Variants in USP32 observed in about 807,000 individuals in gnomAD.
USP32 encodes ubiquitin specific peptidase 32.
USP32 carries 59 observed loss-of-function variants against 204.8 expected under a neutral mutation model. The ratio of observed to expected loss-of-function variants is 0.29; its 90% confidence interval spans 0.23 to 0.36. The LOEUF (loss-of-function observed/expected upper bound fraction) is 0.36. Ranked by LOEUF, USP32 falls within the 10% of genes least tolerant of loss-of-function variation. The pLI is 1.00. For synonymous variants in USP32, 517 were observed against 678.4 expected, an observed-to-expected ratio of 0.76 and a Z score of 3.70; for missense variants, 1,160 against 1,946.4, an observed-to-expected ratio of 0.60 and a Z score of 7.60.
At chr17:60,366,047 G>A (rs920315059) in intron 1 of USP32, among the ~76,000 whole-genome samples, 7 of 152,144 alleles carry the variant, frequency 4.6e-5, no homozygotes, top group Non-Finnish European at 2.9e-5. Context: ...GCGCGATCTC[G>A]GCTCACCGCA....
At chr17:60,279,887 CA>C (rs2145819858) in intron 5 of USP32, among the ~76,000 whole-genome samples, 1 of 150,538 alleles carries the variant, frequency 6.6e-6, no homozygotes, top group Non-Finnish European at 1.5e-5. Flanking sequence ...AATGTTTAAA[CA>C]GCAAATTAGG....
At chr17:60,286,480 T>C (rs919727583) in intron 5 of USP32, among the ~76,000 whole-genome samples, 4 of 152,016 alleles carry the variant, frequency 2.6e-5, no homozygotes, top group African/African-American at 9.7e-5. Flanking sequence ...CACCAAAAAA[T>C]GGAAGAGGCA....
intron 1 of USP32, among the ~76,000 whole-genome samples, chr17:60,370,586 C>T (rs1377480487): frequency 6.6e-6 from 1 of 151,568 alleles, no homozygotes; most frequent in African/African-American, 2.4e-5. Context: ...CATGGCAAAA[C>T]CCTGCCTCTA....
chr17:60,284,684 C>T (rs2087065510), intron 5 of USP32, among the ~76,000 whole-genome samples: 1 of 152,082 alleles, frequency 6.6e-6, no homozygotes, highest in Admixed American at 6.6e-5. Context: ...TTTTCAAAAA[C>T]AGTAAATAAG....
intron 11 of USP32, among the ~76,000 whole-genome samples, chr17:60,236,876 CTT>C (rs1351826695): frequency 4.6e-5 from 7 of 152,100 alleles, no homozygotes; most frequent in African/African-American, 1.4e-4. Context: ...GCCTCTTTGA[CTT>C]TGCGTGTTTT....
At position 60,181,339 on chromosome 17, in the gene USP32, A is replaced by G. The variant is rs1403634619; in HGVS notation, c.4533T>C (p.Asn1511=). The stretch of plus-strand genomic sequence containing the variant: ...AACCACTTACCGAAATTGCATATAG[A>G]TTATAAATAGGCTTAATACGAGTAT... ...REDTRIKPIY[N]LYAISCHSGI... The change falls in exon 32 of 34, where the codon AAT becomes AAC. Residue 1511 remains asparagine (N), a synonymous_variant. Coordinates refer to ENST00000300896, the MANE Select transcript of USP32 (RefSeq NM_032582.4). 6.2e-6 allele frequency: 10 copies of G among 1,611,496 alleles called. No homozygotes were observed. The highest frequency in any genetic ancestry group is 8.5e-6 in the Non-Finnish European group (10 of 1,178,856).
At chr17:60,312,450 GGGTCTCA>G in intron 2 of USP32, among the ~76,000 whole-genome samples, 2 of 151,902 alleles carry the variant, frequency 1.3e-5, no homozygotes, top group Non-Finnish European at 2.9e-5. Context: ...TGTTGAGACA[GGGTCTCA>G]TTCTATTGCC....
At chr17:60,307,981 A>G (rs8079070) in intron 2 of USP32, among the ~76,000 whole-genome samples, 5,313 of 152,262 alleles carry the variant, frequency 0.035, 319 homozygotes, top group African/African-American at 0.12. Flanking sequence ...GACCAGCAGA[A>G]CGATGCGGAG....
intron 15 of USP32, among the ~76,000 whole-genome samples, chr17:60,220,331 G>T (rs1255204351): frequency 6.6e-6 from 1 of 152,132 alleles, no homozygotes; most frequent in Admixed American, 6.5e-5. Context: ...TCGTTAATAT[G>T]AAGAGTATTA....
upstream of USP32, among the ~76,000 whole-genome samples, chr17:60,396,686 T>G (rs2146155693): frequency 6.6e-6 from 1 of 152,294 alleles, no homozygotes; most frequent in Admixed American, 6.5e-5. Context: ...CCTAAGAGTT[T>G]AAGACACACA....
intron 1 of USP32, among the ~76,000 whole-genome samples, chr17:60,355,053 A>G (rs2089036543): frequency 6.6e-6 from 1 of 152,226 alleles, no homozygotes; most frequent in South Asian, 2.1e-4. Context: ...CAAAAACAAA[A>G]ACATAAAACT....
At chr17:60,304,080 T>A (rs561519413) in intron 2 of USP32, among the ~76,000 whole-genome samples, 1 of 151,954 alleles carries the variant, frequency 6.6e-6, no homozygotes, top group Non-Finnish European at 1.5e-5. Flanking sequence ...ACAAGCAGAA[T>A]AGATCACACC....
intron 25 of USP32, among the ~76,000 whole-genome samples, chr17:60,206,799 G>A (rs1375515819): frequency 6.6e-6 from 1 of 152,156 alleles, no homozygotes; most frequent in African/African-American, 2.4e-5. Flanking sequence ...TGAATTCCAA[G>A]GGTATATTAG....
intron 2 of USP32, among the ~76,000 whole-genome samples, chr17:60,333,184 C>G (rs772168961): frequency 6.6e-6 from 1 of 152,192 alleles, no homozygotes; most frequent in Non-Finnish European, 1.5e-5. Context: ...TCCAGAAAAG[C>G]TTTACTAATA....
intron 10 of USP32, among the ~76,000 whole-genome samples, chr17:60,253,690 TGA>T (rs1429482253): frequency 6.6e-6 from 1 of 152,002 alleles, no homozygotes; most frequent in African/African-American, 2.4e-5. Context: ...CGCTTGAACC[TGA>T]GAGATAGAGG....
chr17:60,320,337 A>T (rs2088082557), intron 2 of USP32, among the ~76,000 whole-genome samples: 1 of 152,248 alleles, frequency 6.6e-6, no homozygotes, highest in African/African-American at 2.4e-5. Flanking sequence ...CTGTACATAC[A>T]TTTGAGGAAA....
chr17:60,241,856 C>G (rs1213134578), intron 11 of USP32, among the ~76,000 whole-genome samples: 1 of 152,138 alleles, frequency 6.6e-6, no homozygotes, highest in East Asian at 1.9e-4. Flanking sequence ...TCTTGAAACT[C>G]AAACGTTTTT....
At chr17:60,385,152 T>G (rs1368958047) in intron 1 of USP32, among the ~76,000 whole-genome samples, 1 of 152,218 alleles carries the variant, frequency 6.6e-6, no homozygotes, top group Admixed American at 6.5e-5. Flanking sequence ...CGATTAACTT[T>G]GTGAAATTCC....
intron 12 of USP32, among the ~76,000 whole-genome samples, chr17:60,234,845 G>A (rs1375231220): frequency 6.6e-6 from 1 of 151,912 alleles, no homozygotes; most frequent in African/African-American, 2.4e-5. Context: ...TCAAAGTCCC[G>A]AGATTACAGG....
Sources: gnomAD v4.1 joint callset for allele counts (sites outside exome capture counted in the v4.1 genomes callset) on GRCh38, gnomAD v4.1.1 for gene constraint, MANE v1.5 for transcripts, NCBI Gene and HGNC (gene_info 2026-07-23, HGNC 2026-07-21) for gene names.